Variants in JCAD observed in about 807,000 individuals in gnomAD.
JCAD encodes the protein junctional cadherin 5-associated protein.
In JCAD, 40 loss-of-function variants were observed where a neutral mutation model predicts 98.0. The ratio of observed to expected loss-of-function variants is 0.41; its 90% confidence interval spans 0.32 to 0.53. The LOEUF is 0.53. Among genes scored for constraint, JCAD ranks in the 20% least tolerant of loss-of-function variants. JCAD has a pLI of 0.31. For missense variants in JCAD, 1,705 were observed against 1,738.1 expected (o/e 0.98, Z 0.34); for synonymous variants, 691 against 682.3 (o/e 1.01, Z -0.20).
intron 3 of JCAD, among the ~76,000 whole-genome samples, chr10:30,022,624 A>T (rs1016544098): frequency 2.6e-5 from 4 of 152,206 alleles, no homozygotes; most frequent in African/African-American, 7.2e-5. Context: ...CATCACATGA[A>T]AGGCCCACAG....
In JCAD at chr10:30,017,870, C is replaced by T; in HGVS notation, c.*13G>A. On this transcript the variant is annotated 3_prime_UTR_variant, in exon 4 of 4. Transcript: ENST00000375377. ...TCAATTCGCAACGGAATGCAAGCTC[C>T]ACCGGCATTTCATCACACCCTCTCC... 1 of 1,611,452 alleles carries T rather than the reference C, an allele frequency of 6.2e-7. No individual in the cohort carries two copies. Among genetic ancestry groups the T allele is most frequent in the East Asian group, 2.2e-5 (1 of 44,868 alleles).
intron 1 of JCAD, among the ~76,000 whole-genome samples, chr10:30,104,698 T>G (rs918351874): frequency 5.9e-5 from 9 of 152,206 alleles, no homozygotes; most frequent in African/African-American, 2.2e-4. Context: ...AACAAACCTG[T>G]GCATATGTAG....
intron 1 of JCAD, among the ~76,000 whole-genome samples, chr10:30,077,988 A>T (rs189371071): frequency 1.2e-4 from 19 of 152,268 alleles, no homozygotes; most frequent in Non-Finnish European, 7.4e-5. Context: ...GAACTGGCAA[A>T]CTGTTTTCCA....
chr10:30,027,466 C>A lies in JCAD; in HGVS notation c.2682G>T (p.Pro894=), dbSNP rs1275693572. ...NSPEMRVEPQ[P]RMWVPESPVC... ...CAGGGCTCTCCGGCACCCACATCCT[C>A]GGCTGTGGCTCAACCCTCATTTCCG... The change falls in exon 3 of 4, where the codon CCG becomes CCT. Residue 894 remains proline, a synonymous_variant. Transcript: ENST00000375377. 3 of 1,605,544 alleles carry A rather than the reference C, an allele frequency of 1.9e-6. No homozygotes were observed. Among genetic ancestry groups the A allele is most frequent in the Non-Finnish European group, 2.5e-6 (3 of 1,179,998 alleles).
intron 1 of JCAD, among the ~76,000 whole-genome samples, chr10:30,072,062 A>T (rs1425158800): frequency 6.6e-6 from 1 of 152,064 alleles, no homozygotes; most frequent in African/African-American, 2.4e-5. Flanking sequence ...ATGCTTTTTT[A>T]AAAAACCTGA....
intron 1 of JCAD, among the ~76,000 whole-genome samples, chr10:30,082,791 C>A (rs532697990): frequency 2.3e-5 from 3 of 130,788 alleles, no homozygotes; most frequent in Non-Finnish European, 3.1e-5. Context: ...GTGGAGGTTG[C>A]GGTGAGCCAA....
chr10:30,099,185 A>G (rs1387476272), intron 1 of JCAD, among the ~76,000 whole-genome samples: 1 of 152,218 alleles, frequency 6.6e-6, no homozygotes. Flanking sequence ...CATAATCCCA[A>G]CTCATCTTAC....
At position 30,026,490 on chromosome 10, in the gene JCAD, C is replaced by T. The variant is rs1416642424; in HGVS notation, c.3658G>A (p.Val1220Ile). The change falls in exon 3 of 4, where the codon GTA (valine) becomes ATA (isoleucine). Residue 1220 changes from valine to isoleucine, a missense_variant. Coordinates refer to ENST00000375377, the MANE Select transcript of JCAD (RefSeq NM_020848.4). Reference sequence around the variant, plus strand: ...CCTGCCACACTTGGGGTTCTTTCTACAAAATGGAATAAAGTGGACCTGAAG... The same window carrying T: ...CCTGCCACACTTGGGGTTCTTTCTATAAAATGGAATAAAGTGGACCTGAAG... ...PPFRSTLFHF[V>I]ERTPSVAGSE... 1 of 1,614,216 alleles carries T rather than the reference C, an allele frequency of 6.2e-7. No homozygotes were observed. The highest frequency in any genetic ancestry group is 8.5e-7 in the Non-Finnish European group (1 of 1,180,034).
chr10:30,037,784 G>A (rs1392488328), intron 2 of JCAD, among the ~76,000 whole-genome samples: 1 of 152,138 alleles, frequency 6.6e-6, no homozygotes, highest in African/African-American at 2.4e-5. Flanking sequence ...AACGTGCACA[G>A]AGGAAATTAA....
chr10:30,038,424 C>G (rs1481247897), intron 2 of JCAD, among the ~76,000 whole-genome samples: 1 of 152,072 alleles, frequency 6.6e-6, no homozygotes, highest in African/African-American at 2.4e-5. Flanking sequence ...AGGTTCATGC[C>G]TGTAATCCCA....
chr10:30,054,529 A>G (rs1837528900), intron 1 of JCAD, among the ~76,000 whole-genome samples: 2 of 151,772 alleles, frequency 1.3e-5, no homozygotes, highest in South Asian at 4.1e-4. Flanking sequence ...TAATATAACA[A>G]TATTGTTTCA....
chr10:30,092,053 AAAAAAAAAAAAAT>A (rs1237346534), intron 1 of JCAD, among the ~76,000 whole-genome samples: 18 of 27,540 alleles, frequency 6.5e-4, no homozygotes, highest in African/African-American at 2.3e-3. Context: ...AAAAAAAAAA[AAAAAAAAAAAAAT>A]ATATATATAT....
chr10:30,087,840 AC>A (rs1333710587), intron 1 of JCAD, among the ~76,000 whole-genome samples: 5 of 152,086 alleles, frequency 3.3e-5, no homozygotes, highest in Non-Finnish European at 7.4e-5. Context: ...GACTTCTGTA[AC>A]CTTTGTTTGT....
intron 1 of JCAD, among the ~76,000 whole-genome samples, chr10:30,101,993 G>T (rs1378481982): frequency 6.6e-6 from 1 of 152,104 alleles, no homozygotes; most frequent in Non-Finnish European, 1.5e-5. Context: ...CTTTGCCTGG[G>T]AAATGTCAGT....
chr10:30,026,456 T>C lies in JCAD; in HGVS notation c.3692A>G (p.Lys1231Arg), dbSNP rs373815812. 6.4e-5 allele frequency: 104 copies of C among 1,614,256 alleles called. No homozygotes were observed. The highest frequency in any genetic ancestry group is 4.9e-4 in the Middle Eastern group (3 of 6,062). ...CACTTTGGAAGGGCTTCTAAGTCTC[T>C]TTTCAGAGCCTGCCACACTTGGGGT... ...ERTPSVAGSE[K>R]RLRSPSKVIE... is the part of the protein sequence containing the mutation. Residue 1231 changes from lysine (K) to arginine (R), a missense_variant, in exon 3 of 4, where the codon AAG becomes AGG. Physicochemically the swap from Lys to Arg is conservative, Grantham distance 26. Around this residue, in one of 3 missense-constraint regions of JCAD, gnomAD observed 1,278 missense variants for 1,243.1 expected, o/e 1.03. Coordinates refer to ENST00000375377, the MANE Select transcript of JCAD (RefSeq NM_020848.4).
chr10:30,054,187 T>C (rs1564456410), intron 1 of JCAD, among the ~76,000 whole-genome samples: 1 of 152,190 alleles, frequency 6.6e-6, no homozygotes, highest in African/African-American at 2.4e-5. Context: ...AAAGACAGGA[T>C]ACAGAACCCT....
intron 1 of JCAD, among the ~76,000 whole-genome samples, chr10:30,107,230 G>A (rs776790828): frequency 6.6e-5 from 10 of 152,308 alleles, no homozygotes; most frequent in African/African-American, 9.6e-5. Flanking sequence ...GTAAGTCACA[G>A]GATGAGATAG....
At position 30,047,761 on chromosome 10, in the gene JCAD, C is replaced by T. The variant is rs780210399; in HGVS notation, c.52G>A (p.Asp18Asn). ...TTATCCTCGCGTGATGCTGGGGGGT[C>T]TCTTGACAGCTTGTATCCATGAGAG... ...LISHGYKLSR[D>N]PPASREDNPK... Residue 18 changes from aspartate to asparagine, a missense_variant, in exon 2 of 4, where the codon GAC (aspartate) becomes AAC (asparagine). Asp to Asn is a conservative substitution (Grantham distance 23). Around this residue, in one of 3 missense-constraint regions of JCAD, gnomAD observed 152 missense variants for 148.0 expected, o/e 1.03. Transcript: ENST00000375377. 6.2e-7 allele frequency: 1 copy of T among 1,614,158 alleles called. No homozygotes were observed. The highest frequency in any genetic ancestry group is 1.1e-5 in the South Asian group (1 of 91,066).
At chr10:30,035,210 G>A (rs999145145) in intron 2 of JCAD, among the ~76,000 whole-genome samples, 15 of 152,204 alleles carry the variant, frequency 9.9e-5, no homozygotes, top group African/African-American at 3.4e-4. Context: ...TACAGAGGGA[G>A]CGTGGTTGGT....
Sources: allele counts gnomAD v4.1 joint callset (sites outside exome capture counted in the v4.1 genomes callset), GRCh38; gene constraint gnomAD v4.1.1; regional missense constraint gnomAD v4.1.1; transcripts MANE v1.5; gene names NCBI Gene and HGNC (gene_info 2026-07-23, HGNC 2026-07-21).